The following ASIC2 variants were observed in gnomAD, a reference collection of about 807,000 sequenced individuals.
ASIC2 encodes the protein acid sensing ion channel subunit 2.
In ASIC2, 25 loss-of-function variants were observed where a neutral mutation model predicts 57.3. That is an observed-to-expected ratio of 0.44 (90% CI 0.32 to 0.61). ASIC2 has a LOEUF of 0.61. ASIC2 is among the 20% of genes least tolerant of loss of function. The pLI is 0.06. For synonymous variants in ASIC2, 319 were observed against 307.5 expected (o/e 1.04, Z -0.39); for missense variants, 641 against 738.1 (o/e 0.87, Z 1.52).
At chr17:33,920,439 A>C (rs1370091348) in intron 1 of ASIC2, among the ~76,000 whole-genome samples, 1 of 152,220 alleles carries the variant, frequency 6.6e-6, no homozygotes, top group Non-Finnish European at 1.5e-5. Context: ...CATTATCCGA[A>C]GTGAATTAAT....
In ASIC2 at chr17:33,268,479, A is replaced by T. The variant is rs149851593; in HGVS notation, c.708+22929T>A. Among the ~76,000 whole-genome samples, 42 of 152,312 alleles carry T rather than the reference A, an allele frequency of 2.8e-4. No individual in the cohort carries two copies. In the East Asian group the frequency reaches 7.3e-3, roughly 27 times the overall value. On this transcript the variant is annotated intron_variant, in intron 1 of 9. Coordinates refer to ENST00000225823, the MANE Select transcript of ASIC2 (RefSeq NM_183377.2). ...GAGGAGCAGTAGGAAATAAGTAAGG[A>T]CAATCAAAATACACAAAGTTAAATG...
chr17:33,611,952 G>A (rs1905422537), intron 1 of ASIC2, among the ~76,000 whole-genome samples: 1 of 152,242 alleles, frequency 6.6e-6, no homozygotes, highest in Admixed American at 6.5e-5. Flanking sequence ...ACCCAGGAGA[G>A]CCAATGGTAG....
chr17:33,765,821 C>T (rs1033486121), intron 1 of ASIC2, among the ~76,000 whole-genome samples: 1 of 152,220 alleles, frequency 6.6e-6, no homozygotes, highest in African/African-American at 2.4e-5. Context: ...CCTTTAGGCA[C>T]ATTCGTGAGG....
At chr17:33,418,001 C>T (rs1388957742) in intron 1 of ASIC2, among the ~76,000 whole-genome samples, 1 of 147,482 alleles carries the variant, frequency 6.8e-6, no homozygotes, top group East Asian at 2.0e-4. Flanking sequence ...GAGCCAGAGG[C>T]CCCACTCTGG....
chr17:33,465,764 G>C lies in ASIC2; in HGVS notation c.556-353697C>G, dbSNP rs571713607. 8.1e-4 allele frequency among the ~76,000 whole-genome samples: 123 copies of C among 152,312 alleles called. 1 individual carries two copies. Among genetic ancestry groups the C allele is most frequent in the South Asian group, 3.9e-3 (19 of 4,830 alleles). ...GAATGAATGATTTGGAATCTGGAGA[G>C]GGGAAGAGATTAATGCCTAGCCACA... is the stretch of plus-strand genomic sequence containing the variant. On this transcript the variant is annotated intron_variant, in intron 1 of 9. Coordinates refer to the ASIC2 transcript ENST00000359872.
intron 1 of ASIC2, among the ~76,000 whole-genome samples, chr17:33,662,681 A>T (rs534387955): frequency 5.3e-4 from 80 of 150,934 alleles, no homozygotes; most frequent in African/African-American, 1.9e-3. Flanking sequence ...GTAAAATAAA[A>T]AATGAAGTAA....
chr17:33,629,849 G>A (rs992038284), intron 1 of ASIC2, among the ~76,000 whole-genome samples: 1 of 152,200 alleles, frequency 6.6e-6, no homozygotes, highest in East Asian at 1.9e-4. Flanking sequence ...TAAGGCTGAA[G>A]AGCTAAGGAT....
At chr17:34,139,605 A>G (rs1912216661) in intron 1 of ASIC2, among the ~76,000 whole-genome samples, 1 of 152,264 alleles carries the variant, frequency 6.6e-6, no homozygotes, top group African/African-American at 2.4e-5. Context: ...CACATTCTAA[A>G]ACATGATTAA....
intron 1 of ASIC2, among the ~76,000 whole-genome samples, chr17:33,311,621 G>T (rs551465241): frequency 3.9e-5 from 6 of 152,234 alleles, no homozygotes; most frequent in African/African-American, 1.4e-4. Context: ...GATGGAGAGA[G>T]AAGTTCTTCT....
intron 1 of ASIC2, chr17:34,069,221 T>G (rs1338402480): frequency 2.8e-5 from 4 of 144,766 alleles, no homozygotes; most frequent in Non-Finnish European, 6.1e-5. Context: ...TCTCTTCCTT[T>G]CCCTCCTTTC....
chr17:33,391,827 T>A (rs1055570129), intron 1 of ASIC2, among the ~76,000 whole-genome samples: 3 of 152,252 alleles, frequency 2.0e-5, no homozygotes, highest in Non-Finnish European at 4.4e-5. Context: ...AATTATATTT[T>A]CTTATTTAAT....
At chr17:33,434,222 C>G (rs1297184470) in intron 1 of ASIC2, among the ~76,000 whole-genome samples, 1 of 151,872 alleles carries the variant, frequency 6.6e-6, no homozygotes, top group Non-Finnish European at 1.5e-5. Flanking sequence ...ATATCTATTA[C>G]ATAATAATAG....
At chr17:33,946,562 C>T (rs1231304613) in intron 1 of ASIC2, among the ~76,000 whole-genome samples, 2 of 152,194 alleles carry the variant, frequency 1.3e-5, no homozygotes, top group Non-Finnish European at 2.9e-5. Context: ...GTGCTCAATG[C>T]TGTGACTTCA....
chr17:34,088,091 G>A (rs555141062), intron 1 of ASIC2, among the ~76,000 whole-genome samples: 19 of 152,322 alleles, frequency 1.2e-4, no homozygotes, highest in Admixed American at 3.9e-4. Flanking sequence ...GAGGAACTGC[G>A]TTCCTTTGGA....
chr17:33,084,473 G>C lies in ASIC2; in HGVS notation c.987+4390C>G, dbSNP rs1598268139. ...ACTGTGCAGTGTGGCAGAGCAGAAA[G>C]AGCATGGGTGCGGGAACCTGGTAGA... On this transcript the variant is annotated intron_variant, in intron 3 of 9. Coordinates refer to ENST00000225823, the MANE Select transcript of ASIC2 (RefSeq NM_183377.2). Among the ~76,000 whole-genome samples the C allele has an allele frequency of 4.6e-5, 7 of 152,364 alleles. 1 individual carries two copies. Among genetic ancestry groups the C allele is most frequent in the Admixed American group, 4.6e-4 (7 of 15,310 alleles).
At chr17:33,799,870 C>T (rs1912081387) in intron 1 of ASIC2, among the ~76,000 whole-genome samples, 1 of 152,104 alleles carries the variant, frequency 6.6e-6, no homozygotes, top group South Asian at 2.1e-4. Flanking sequence ...CCTGCACGGC[C>T]AACCACTGCA....
At chr17:33,235,056 ACTT>A (rs1401593179) in intron 1 of ASIC2, among the ~76,000 whole-genome samples, 1 of 152,004 alleles carries the variant, frequency 6.6e-6, no homozygotes, top group Non-Finnish European at 1.5e-5. Context: ...GTCCCATTTT[ACTT>A]CTTCTCCATT....
At chr17:33,278,778 A>T (rs1224286874) in intron 1 of ASIC2, among the ~76,000 whole-genome samples, 1 of 152,020 alleles carries the variant, frequency 6.6e-6, no homozygotes, top group Non-Finnish European at 1.5e-5. Flanking sequence ...TGGTGGAACT[A>T]TCCTTTTTCC....
At chr17:33,192,868 AT>A (rs921047648) in intron 1 of ASIC2, among the ~76,000 whole-genome samples, 2 of 152,086 alleles carry the variant, frequency 1.3e-5, no homozygotes, top group East Asian at 1.9e-4. Context: ...AAAAATACAC[AT>A]TTTTTTCCGC....
Sources: gnomAD v4.1 joint callset for allele counts (sites outside exome capture counted in the v4.1 genomes callset) on GRCh38, gnomAD v4.1.1 for gene constraint, MANE v1.5 for transcripts, NCBI Gene and HGNC (gene_info 2026-07-23, HGNC 2026-07-21) for gene names.